Variants in ARHGAP39 observed in about 807,000 individuals in gnomAD.
ARHGAP39 encodes the protein rho GTPase-activating protein 39.
ARHGAP39 carries 44 observed loss-of-function variants against 106.9 expected under a neutral mutation model. The ratio of observed to expected loss-of-function variants is 0.41; its 90% CI spans 0.32 to 0.53. The LOEUF is 0.53. Among genes scored for constraint, ARHGAP39 ranks in the 20% least tolerant of loss-of-function variants. ARHGAP39 has a pLI of 0.21. For missense variants in ARHGAP39, 1,496 were observed against 1,577.3 expected, an observed-to-expected ratio of 0.95 and a Z score of 0.87; for synonymous variants, 768 against 693.2, an observed-to-expected ratio of 1.11 and a Z score of -1.69.
chr8:144,605,200 G>GCA (rs1586607668), intron 2 of ARHGAP39, among the ~76,000 whole-genome samples: 1 of 152,342 alleles, frequency 6.6e-6, no homozygotes, highest in East Asian at 1.9e-4. Context: ...GTTCAAGGCT[G>GCA]CAGTGAGCTA....
At chr8:144,685,174 ACT>A (rs2129782798) in intron 1 of ARHGAP39, among the ~76,000 whole-genome samples, 1 of 139,192 alleles carries the variant, frequency 7.2e-6, no homozygotes, top group South Asian at 2.4e-4. Context: ...GCAGGAGCAC[ACT>A]CACACCCCCC....
At chr8:144,574,361 C>T (rs1461396493) in intron 3 of ARHGAP39, among the ~76,000 whole-genome samples, 1 of 151,446 alleles carries the variant, frequency 6.6e-6, no homozygotes, top group Non-Finnish European at 1.5e-5. Flanking sequence ...ATGGCATTAG[C>T]CTATTTCTAT....
Position 144,534,179 on chromosome 8 carries a change from T to C in ARHGAP39, c.2638A>G (p.Lys880Glu). ...TTCTGTAGCTTGTGGTAACAGTACT[T>C]GGCATACGTGCTTATCGCCACCCCT... ...PDGVAISTYA[K>E]YCYHKLQKAA... The change falls in exon 8 of 12, where the codon AAG (lysine) becomes GAG (glutamate). Residue 880 changes from lysine to glutamate, a missense_variant. Lys to Glu is a moderately conservative substitution (Grantham distance 56, BLOSUM62 1). This residue lies in a region of ARHGAP39 where 470 missense variants were observed against 605.1 expected (regional missense o/e 0.78). Coordinates refer to ENST00000377307, the MANE Select transcript of ARHGAP39 (RefSeq NM_025251.3). 1 of 1,613,296 alleles carries C rather than the reference T, an allele frequency of 6.2e-7. No homozygotes were observed. Among genetic ancestry groups the C allele is most frequent in the South Asian group, 1.1e-5 (1 of 91,056 alleles).
Position 144,547,826 on chromosome 8 carries a change from G to C in ARHGAP39, c.1260C>G (p.Pro420=). 2 of 1,591,504 alleles carry C rather than the reference G, an allele frequency of 1.3e-6. No homozygotes were observed. The highest frequency in any genetic ancestry group is 1.7e-6 in the Non-Finnish European group (2 of 1,170,858). Residue 420 remains proline (P), a synonymous_variant, in exon 5 of 12, where the codon CCC becomes CCG. Transcript: ENST00000377307. The surrounding 1 kb of genome is among the most constrained non-coding windows in gnomAD (Gnocchi z 5.2). ...AGGAGTACGAACCACCGCCGGGGTT[G>C]GGCGCGTACTTGTGCCGCGGGCCGG... ...LRAGPRHKYA[P]NPGGGSYSLQ...
At chr8:144,693,965 C>T in the ARHGAP39 span, among the ~76,000 whole-genome samples, 1 of 152,068 alleles carries the variant, frequency 6.6e-6, no homozygotes, top group South Asian at 2.1e-4. Flanking sequence ...TCTTTGTAGA[C>T]AACAGAAGAG....
At chr8:144,578,232 T>G (rs1239731467) in intron 3 of ARHGAP39, among the ~76,000 whole-genome samples, 1 of 152,176 alleles carries the variant, frequency 6.6e-6, no homozygotes, top group Non-Finnish European at 1.5e-5. Flanking sequence ...GGTCAATTTT[T>G]GTTTGTTTGT....
At chr8:144,562,550 AC>A (rs1818232075) in intron 3 of ARHGAP39, among the ~76,000 whole-genome samples, 1 of 134,788 alleles carries the variant, frequency 7.4e-6, no homozygotes, top group Non-Finnish European at 1.6e-5. Flanking sequence ...TTTCCATCAC[AC>A]TCCAGTGGTT....
chr8:144,607,468 C>T (rs766949788), intron 1 of ARHGAP39, among the ~76,000 whole-genome samples: 4 of 152,150 alleles, frequency 2.6e-5, no homozygotes, highest in Non-Finnish European at 5.9e-5. Context: ...TCACATGTGC[C>T]GCTACACTCC....
chr8:144,547,827 G>C lies in ARHGAP39; in HGVS notation c.1259C>G (p.Pro420Arg). 1 of 1,591,696 alleles carries C rather than the reference G, an allele frequency of 6.3e-7. No individual in the cohort carries two copies. The highest frequency in any genetic ancestry group is 1.1e-5 in the South Asian group (1 of 88,616). The change falls in exon 5 of 12, where the codon CCC (proline) becomes CGC (arginine). Residue 420 changes from proline to arginine, a missense_variant. Transcript: ENST00000377307. The surrounding 1 kb of genome is among the most constrained non-coding windows in gnomAD (Gnocchi z 5.2). ...LRAGPRHKYA[P>R]NPGGGSYSLQ... Reference sequence around the variant, plus strand: ...GGAGTACGAACCACCGCCGGGGTTGGGCGCGTACTTGTGCCGCGGGCCGGC... The same window carrying C: ...GGAGTACGAACCACCGCCGGGGTTGCGCGCGTACTTGTGCCGCGGGCCGGC...
At chr8:144,694,633 T>C in the ARHGAP39 span, among the ~76,000 whole-genome samples, 2 of 152,230 alleles carry the variant, frequency 1.3e-5, no homozygotes, top group African/African-American at 4.8e-5. Context: ...TTCAGGCCTT[T>C]GTGTTATGCA....
chr8:144,651,064 ACAAAAATCAATGTC>A (rs1207534463), intron 1 of ARHGAP39, among the ~76,000 whole-genome samples: 4 of 152,200 alleles, frequency 2.6e-5, no homozygotes, highest in Non-Finnish European at 4.4e-5. Flanking sequence ...GTTTCAGGAT[ACAAAAATCAATGTC>A]CAAAAAATCA....
intron 2 of ARHGAP39, among the ~76,000 whole-genome samples, chr8:144,587,988 G>A (rs1052747109): frequency 7.9e-5 from 12 of 152,238 alleles, no homozygotes; most frequent in Non-Finnish European, 2.9e-5. Flanking sequence ...TCTGAAGGTG[G>A]AAGGCAGCAC....
chr8:144,601,406 C>T lies in ARHGAP39; in HGVS notation c.80+4129G>A, dbSNP rs117772916. On this transcript the variant is annotated intron_variant, in intron 2 of 11. Coordinates refer to ENST00000377307, the MANE Select transcript of ARHGAP39 (RefSeq NM_025251.3). The stretch of plus-strand genomic sequence containing the variant: ...CGTTGAGGCGTGTGTGCTCGTCTAC[C>T]TGCGTGCATGGAGGCGTGCGTGCGT... Among the ~76,000 whole-genome samples the T allele has an allele frequency of 7.6e-3, 930 of 122,524 alleles. 5 individuals carry two copies. Among genetic ancestry groups the T allele is most frequent in the Middle Eastern group, 0.019 (2 of 104 alleles). 80.4% of individuals were successfully genotyped at this position (122,524 alleles called of 152,430 possible).
chr8:144,580,704 A>G, intron 3 of ARHGAP39, 142 bp downstream of exon 3: 1 of 757,404 alleles, frequency 1.3e-6, no homozygotes, highest in South Asian at 3.1e-5. Flanking sequence ...ACCATACCCG[A>G]CCTACTCCTA....
intron 1 of ARHGAP39, among the ~76,000 whole-genome samples, chr8:144,620,226 T>C (rs555773468): frequency 1.9e-4 from 26 of 133,622 alleles, no homozygotes; most frequent in African/African-American, 5.7e-4. Flanking sequence ...CCTGAGAAAG[T>C]GTGTGTGCCC....
Position 144,600,205 on chromosome 8 carries a change from G to A in ARHGAP39, c.80+5330C>T, listed in dbSNP as rs559864063. Among the ~76,000 whole-genome samples the A allele has an allele frequency of 1.3e-3, 185 of 147,318 alleles. 1 individual carries two copies. The highest frequency in any genetic ancestry group is 2.3e-3 in the Non-Finnish European group (152 of 66,418). On this transcript the variant is annotated intron_variant, in intron 2 of 11. Transcript: ENST00000377307. The stretch of plus-strand genomic sequence containing the variant: ...CACTTGTGTACCTACCTGCGTGTGC[G>A]TGTGTGTGGGGGGCATGTGTGCAAG...
In ARHGAP39 at chr8:144,585,490, C is replaced by T. The variant is rs890446015; in HGVS notation, c.81-4213G>A. Reference sequence around the variant, plus strand: ...AGGGTTCCCAGCACTGGCTTCCCCTCGTGCACTCTCTTGCCCTTAGCTCCA... The same window carrying T: ...AGGGTTCCCAGCACTGGCTTCCCCTTGTGCACTCTCTTGCCCTTAGCTCCA... On this transcript the variant is annotated intron_variant, in intron 2 of 11. Transcript: ENST00000377307. The surrounding 1 kb of genome is among the most constrained non-coding windows in gnomAD (Gnocchi z 4.6). Among the ~76,000 whole-genome samples, 10 of 151,960 alleles carry T rather than the reference C, an allele frequency of 6.6e-5. No individual in the cohort carries two copies. The highest frequency in any genetic ancestry group is 6.3e-3 in the Middle Eastern group (2 of 316).
At chr8:144,590,178 G>A (rs1563691152) in intron 2 of ARHGAP39, among the ~76,000 whole-genome samples, 1 of 152,182 alleles carries the variant, frequency 6.6e-6, no homozygotes, top group Non-Finnish European at 1.5e-5. Flanking sequence ...CACTGCGGTT[G>A]GGGCAGGGCC....
intron 1 of ARHGAP39, among the ~76,000 whole-genome samples, chr8:144,668,993 A>G (rs1822030076): frequency 6.6e-6 from 1 of 152,048 alleles, no homozygotes; most frequent in African/African-American, 2.4e-5. Flanking sequence ...CACAGAGTTG[A>G]GTTCAGAAAT....
Sources: allele counts gnomAD v4.1 joint callset (sites outside exome capture counted in the v4.1 genomes callset), GRCh38; gene constraint gnomAD v4.1.1; regional missense constraint gnomAD v4.1.1; non-coding constraint Gnocchi (gnomAD v3.1); transcripts MANE v1.5; gene names NCBI Gene and HGNC (gene_info 2026-07-23, HGNC 2026-07-21).